ABTB3: variants seen among roughly 807,000 people sequenced by gnomAD.
The protein encoded by ABTB3 is ankyrin repeat and BTB domain containing 3, also known as ankyrin repeat- and BTB/POZ domain-containing protein 3.
the ABTB3 span, among the ~76,000 whole-genome samples, chr12:107,414,682 CT>C: frequency 3.3e-5 from 5 of 150,774 alleles, no homozygotes; most frequent in African/African-American, 1.2e-4. Flanking sequence ...CCAGCATCAT[CT>C]TTTTTTCACC....
the ABTB3 span, among the ~76,000 whole-genome samples, chr12:107,589,492 C>T: frequency 6.6e-6 from 1 of 152,230 alleles, no homozygotes; most frequent in African/African-American, 2.4e-5. Context: ...GGAAAGCCAT[C>T]ACTGGCTGGA....
At chr12:107,636,985 G>A in the ABTB3 span, among the ~76,000 whole-genome samples, 2 of 152,176 alleles carry the variant, frequency 1.3e-5, no homozygotes, top group African/African-American at 4.8e-5. Context: ...AAAGTTTCTG[G>A]TTTGGGGCCA....
chr12:107,448,698 T>G, the ABTB3 span, among the ~76,000 whole-genome samples: 2 of 151,684 alleles, frequency 1.3e-5, no homozygotes, highest in Non-Finnish European at 2.9e-5. Context: ...TGGAGTGCAG[T>G]GGCACAATCT....
the ABTB3 span, among the ~76,000 whole-genome samples, chr12:107,487,321 C>G: frequency 4.6e-5 from 7 of 152,128 alleles, no homozygotes; most frequent in Non-Finnish European, 1.0e-4. Flanking sequence ...ATAGGAAGCC[C>G]TCCATTTTTG....
the ABTB3 span, among the ~76,000 whole-genome samples, chr12:107,369,255 TAG>T: frequency 6.6e-6 from 1 of 152,194 alleles, no homozygotes; most frequent in East Asian, 1.9e-4. Flanking sequence ...TTCATCCACT[TAG>T]AGTCTACTTT....
At chr12:107,618,347 C>T in the ABTB3 span, 10 of 1,613,330 alleles carry the variant, frequency 6.2e-6, no homozygotes, top group African/African-American at 6.7e-5. Flanking sequence ...AGCATGGCTA[C>T]GTGGATGTCA....
At chr12:107,417,149 C>T in the ABTB3 span, among the ~76,000 whole-genome samples, 18 of 152,138 alleles carry the variant, frequency 1.2e-4, no homozygotes, top group Admixed American at 9.8e-4. Flanking sequence ...AGGAGGTTTC[C>T]TCATTCATTC....
chr12:107,636,420 GTTTCCC>G, the ABTB3 span, among the ~76,000 whole-genome samples: 6 of 152,084 alleles, frequency 3.9e-5, no homozygotes, highest in Admixed American at 3.3e-4. Flanking sequence ...CCTACTTCCT[GTTTCCC>G]TTTCCTAAGA....
the ABTB3 span, among the ~76,000 whole-genome samples, chr12:107,415,544 T>TA: frequency 6.6e-6 from 1 of 151,412 alleles, no homozygotes; most frequent in African/African-American, 2.4e-5. Context: ...CCGTCTCTAC[T>TA]AAAAAACCAA....
At chr12:107,527,764 T>C in the ABTB3 span, among the ~76,000 whole-genome samples, 1 of 152,220 alleles carries the variant, frequency 6.6e-6, no homozygotes, top group Non-Finnish European at 1.5e-5. Context: ...TAAAAATCTC[T>C]CATTACCCTG....
chr12:107,623,180 C>T, the ABTB3 span, among the ~76,000 whole-genome samples: 6 of 151,488 alleles, frequency 4.0e-5, no homozygotes, highest in Non-Finnish European at 2.9e-5. Context: ...CCTGCCTCAG[C>T]CTCCTGAGTA....
At chr12:107,610,114 G>A in the ABTB3 span, 1 of 1,557,126 alleles carries the variant, frequency 6.4e-7, no homozygotes, top group Non-Finnish European at 8.8e-7. Flanking sequence ...ATGTCCCAGG[G>A]TGCTTCCTGC....
the ABTB3 span, among the ~76,000 whole-genome samples, chr12:107,427,546 CTG>C: frequency 6.6e-6 from 1 of 152,168 alleles, no homozygotes; most frequent in Non-Finnish European, 1.5e-5. Flanking sequence ...GTGCCTGGCT[CTG>C]TGTCCCTCTT....
the ABTB3 span, among the ~76,000 whole-genome samples, chr12:107,426,144 C>T: frequency 1.3e-5 from 2 of 151,936 alleles, no homozygotes; most frequent in African/African-American, 4.8e-5. Context: ...TTACTATTCT[C>T]TCCAATTTTG....
At chr12:107,516,421 G>T in the ABTB3 span, among the ~76,000 whole-genome samples, 2 of 151,900 alleles carry the variant, frequency 1.3e-5, no homozygotes, top group Admixed American at 6.6e-5. Flanking sequence ...TAGTAGAGAC[G>T]GGGTTTCACC....
the ABTB3 span, among the ~76,000 whole-genome samples, chr12:107,360,930 A>ATTTTTTTTTTTTTTTTT: frequency 3.6e-5 from 3 of 84,436 alleles, no homozygotes; most frequent in East Asian, 3.9e-4. Flanking sequence ...ATTTAATTTA[A>ATTTTTTTTTTTTTTTTT]TTTTTTTTTT....
At chr12:107,369,396 T>G in the ABTB3 span, among the ~76,000 whole-genome samples, 1 of 150,124 alleles carries the variant, frequency 6.7e-6, no homozygotes, top group South Asian at 2.1e-4. Context: ...ACAAGGGTTT[T>G]TTTTTTTTTT....
At chr12:107,540,374 T>G in the ABTB3 span, among the ~76,000 whole-genome samples, 1 of 152,202 alleles carries the variant, frequency 6.6e-6, no homozygotes, top group Non-Finnish European at 1.5e-5. Context: ...GCCACTTGGA[T>G]GGTGCCTGCC....
chr12:107,361,110 T>TAA, the ABTB3 span, among the ~76,000 whole-genome samples: 1 of 151,778 alleles, frequency 6.6e-6, no homozygotes, highest in Admixed American at 6.6e-5. Flanking sequence ...TTTTGAGAAA[T>TAA]AAAAAATACC....
Sources: allele counts gnomAD v4.1 joint callset (sites outside exome capture counted in the v4.1 genomes callset), GRCh38; gene constraint gnomAD v4.1.1; transcripts MANE v1.5; gene names NCBI Gene and HGNC (gene_info 2026-07-23, HGNC 2026-07-21).